The following RBFOX1 variants were observed in gnomAD, a reference collection of about 807,000 sequenced individuals.
RBFOX1 encodes RNA binding fox-1 homolog 1, also known as RNA binding protein fox-1 homolog 1.
RBFOX1 carries 8 observed loss-of-function variants against 57.7 expected under a neutral mutation model. That is an observed-to-expected ratio of 0.14 (90% CI 0.08 to 0.25). The LOEUF (loss-of-function observed/expected upper bound fraction) is 0.25. RBFOX1 is among the 10% of genes least tolerant of loss of function. RBFOX1 has a pLI of 1.00. For synonymous variants in RBFOX1, 326 were observed against 222.4 expected, an observed-to-expected ratio of 1.47 and a Z score of -4.15; for missense variants, 611 against 548.5, an observed-to-expected ratio of 1.11 and a Z score of -1.14.
chr16:6,137,821 C>A (rs1384083335), intron 1 of RBFOX1, among the ~76,000 whole-genome samples: 1 of 151,878 alleles, frequency 6.6e-6, no homozygotes, highest in Admixed American at 6.6e-5. Context: ...GTTGTCCAGG[C>A]TGCTCTTGAA....
chr16:5,471,267 T>C (rs2069125173), intron 2 of RBFOX1, among the ~76,000 whole-genome samples: 1 of 152,240 alleles, frequency 6.6e-6, no homozygotes, highest in Non-Finnish European at 1.5e-5. Flanking sequence ...GAAATGGCGT[T>C]CTGTTCCTCT....
intron 1 of RBFOX1, among the ~76,000 whole-genome samples, chr16:6,071,126 C>T (rs527905075): frequency 1.3e-5 from 2 of 152,220 alleles, no homozygotes; most frequent in East Asian, 1.9e-4. Flanking sequence ...AGTTTTCTAC[C>T]AGCCTGGGTA....
intron 4 of RBFOX1, among the ~76,000 whole-genome samples, chr16:7,434,771 G>A (rs999373510): frequency 1.2e-4 from 18 of 149,200 alleles, no homozygotes; most frequent in Non-Finnish European, 2.4e-4. Flanking sequence ...ATTGAGCCTC[G>A]CTGGATCAGC....
At chr16:7,709,988 A>G in intron 15 of RBFOX1, 1 of 1,008,352 alleles carries the variant, frequency 9.9e-7, no homozygotes, top group Non-Finnish European at 1.2e-6. Flanking sequence ...CTTTTAGAAA[A>G]AGGAAATCGT....
At chr16:7,231,882 G>T (rs1448689680) in intron 4 of RBFOX1, among the ~76,000 whole-genome samples, 2 of 152,164 alleles carry the variant, frequency 1.3e-5, no homozygotes, top group Non-Finnish European at 2.9e-5. Context: ...CAGATTGGTG[G>T]TTGCTACAGG....
intron 4 of RBFOX1, chr16:7,510,004 C>A: frequency 5.0e-6 from 1 of 199,274 alleles, no homozygotes; most frequent in Non-Finnish European, 8.6e-6. Context: ...ATATAATCAT[C>A]TGCTCAGTGG....
At chr16:7,429,342 C>G (rs568718984) in intron 4 of RBFOX1, among the ~76,000 whole-genome samples, 1 of 152,326 alleles carries the variant, frequency 6.6e-6, no homozygotes, top group East Asian at 1.9e-4. Flanking sequence ...CTCCTTCCCT[C>G]ACCCCCTTTT....
At chr16:7,661,664 G>T (rs112904251) in intron 12 of RBFOX1, among the ~76,000 whole-genome samples, 1 of 152,310 alleles carries the variant, frequency 6.6e-6, no homozygotes, top group African/African-American at 2.4e-5. Flanking sequence ...TGGGAGGGCA[G>T]GGTTACTGAG....
intron 1 of RBFOX1, among the ~76,000 whole-genome samples, chr16:5,326,965 C>T (rs1012208009): frequency 6.6e-6 from 1 of 152,190 alleles, no homozygotes; most frequent in African/African-American, 2.4e-5. Context: ...GCAAACAAAA[C>T]ACAAACATCC....
rs145560676 is a variant in RBFOX1 at position 5,244,297 on chromosome 16, C to T, written c.219+4192C>T. Among the ~76,000 whole-genome samples the T allele has an allele frequency of 2.2e-4, 34 of 152,342 alleles. No individual in the cohort carries two copies. The East Asian group carries it at 4.6e-3, about 21-fold the overall frequency. On this transcript the variant is annotated intron_variant, in intron 1 of 2. Transcript: ENST00000585867. ...TCCTCCATCCCCTCATGCACTGGTG[C>T]GGTGCAGAGCAGAATATCACCCACC... is the stretch of plus-strand genomic sequence containing the variant.
chr16:7,096,830 G>C lies in RBFOX1; in HGVS notation c.27+44732G>C, dbSNP rs113251183. Among the ~76,000 whole-genome samples, 467 of 150,928 alleles carry C rather than the reference G, an allele frequency of 3.1e-3. 4 individuals carry two copies. The highest frequency in any genetic ancestry group is 0.011 in the African/African-American group (449 of 41,058). ...CCCTGTAATCCCAGCTACGTAGGGG[G>C]CTGAGGTAAGAGAATCACTTGAACC... On this transcript the variant is annotated intron_variant, in intron 4 of 15. Transcript: ENST00000550418.
At chr16:6,964,099 AC>A (rs2083580272) in intron 3 of RBFOX1, among the ~76,000 whole-genome samples, 1 of 151,406 alleles carries the variant, frequency 6.6e-6, no homozygotes, top group East Asian at 1.9e-4. Flanking sequence ...GCTCACTGCA[AC>A]CTCCGCCTCC....
At chr16:6,479,610 C>T (rs1167312534) in intron 2 of RBFOX1, among the ~76,000 whole-genome samples, 6 of 151,886 alleles carry the variant, frequency 4.0e-5, no homozygotes, top group African/African-American at 9.7e-5. Flanking sequence ...GAAAAGAAAA[C>T]CATGAAACCA....
intron 5 of RBFOX1, among the ~76,000 whole-genome samples, chr16:7,522,076 G>A (rs965294793): frequency 6.6e-6 from 1 of 152,174 alleles, no homozygotes; most frequent in Non-Finnish European, 1.5e-5. Context: ...GGTACTGAGT[G>A]TCCCAGCCCT....
chr16:5,925,101 T>C (rs1320876593), intron 4 of RBFOX1, among the ~76,000 whole-genome samples: 1 of 152,170 alleles, frequency 6.6e-6, no homozygotes, highest in Non-Finnish European at 1.5e-5. Flanking sequence ...CACCAACCCT[T>C]GTCTCTCCTG....
Position 6,105,907 on chromosome 16 carries a change from G to C in RBFOX1, c.-127+85915G>C, listed in dbSNP as rs188614600. 6.4e-4 allele frequency among the ~76,000 whole-genome samples: 98 copies of C among 152,156 alleles called. 2 individuals carry two copies. The highest frequency in any genetic ancestry group is 2.1e-4 in the Non-Finnish European group (14 of 68,012). On this transcript the variant is annotated intron_variant, in intron 1 of 15. Coordinates refer to ENST00000550418, the MANE Select transcript of RBFOX1 (RefSeq NM_018723.4). ...CATGTCATTAAATATTCTTCAAAAA[G>C]ATAAACTTAATGGTCATAGTAACCC...
chr16:5,620,231 T>G (rs1302937874), intron 3 of RBFOX1, among the ~76,000 whole-genome samples: 1 of 152,138 alleles, frequency 6.6e-6, no homozygotes, highest in Non-Finnish European at 1.5e-5. Context: ...TAGCCCCGTT[T>G]TGTGGAGGGG....
rs1378948730 is a variant in RBFOX1 at position 5,974,583 on chromosome 16, C to T, written c.351+107248C>T. On this transcript the variant is annotated intron_variant, in intron 4 of 19. Transcript: ENST00000641259. The stretch of plus-strand genomic sequence containing the variant: ...TGAGATGGCACCATTGCACTTGAGC[C>T]TGGGCGACAGAGCGAAAGTCCATCT... Among the ~76,000 whole-genome samples, 4 of 152,212 alleles carry T rather than the reference C, an allele frequency of 2.6e-5. No homozygotes were observed. The East Asian group carries it at 7.7e-4, about 29-fold the overall frequency.
At chr16:7,025,748 C>T (rs576677559) in intron 3 of RBFOX1, among the ~76,000 whole-genome samples, 24 of 152,106 alleles carry the variant, frequency 1.6e-4, no homozygotes, top group African/African-American at 5.1e-4. Context: ...GAGCCATGGG[C>T]GTCCCGGGGA....
Sources: allele counts gnomAD v4.1 joint callset (sites outside exome capture counted in the v4.1 genomes callset), GRCh38; gene constraint gnomAD v4.1.1; transcripts MANE v1.5; gene names NCBI Gene and HGNC (gene_info 2026-07-23, HGNC 2026-07-21).